KAT6B: variants seen among roughly 807,000 people sequenced by gnomAD.
KAT6B encodes lysine acetyltransferase 6B.
KAT6B carries 10 observed loss-of-function variants against 187.5 expected under a neutral mutation model. The ratio of observed to expected loss-of-function variants is 0.05; its 90% CI spans 0.03 to 0.09. The LOEUF (loss-of-function observed/expected upper bound fraction) is 0.09. Ranked by LOEUF, KAT6B falls within the 10% of genes least tolerant of loss-of-function variation. KAT6B has a pLI of 1.00. For synonymous variants in KAT6B, 861 were observed against 926.8 expected, an observed-to-expected ratio of 0.93 and a Z score of 1.29; for missense variants, 1,952 against 2,558.9, an observed-to-expected ratio of 0.76 and a Z score of 5.12.
chr10:75,000,330 A>G (rs1589784077), intron 13 of KAT6B, among the ~76,000 whole-genome samples: 1 of 152,086 alleles, frequency 6.6e-6, no homozygotes, highest in Non-Finnish European at 1.5e-5. Flanking sequence ...AGCAGCGCTG[A>G]TGGAAAAAAT....
rs1840257192 is a variant in KAT6B at position 74,826,719 on chromosome 10, G to T, written c.-395G>T. 1.3e-5 allele frequency: 2 copies of T among 153,522 alleles called. No homozygotes were observed. The highest frequency in any genetic ancestry group is 3.5e-4 in the South Asian group (2 of 5,680). The allele number at this position is 153,522 out of a possible 1,614,324, so 9.5% of individuals were successfully genotyped here. On this transcript the variant is annotated 5_prime_UTR_variant, in exon 1 of 18. Coordinates refer to ENST00000287239, the MANE Select transcript of KAT6B (RefSeq NM_012330.4). ...GGAGGCGACGGCACCTCCTCCAGGC[G>T]GCAGCCGCAGTTTCTCAGGCAGCGG...
chr10:74,899,475 A>G (rs1291755459), intron 3 of KAT6B, among the ~76,000 whole-genome samples: 1 of 151,898 alleles, frequency 6.6e-6, no homozygotes, highest in Non-Finnish European at 1.5e-5. Context: ...GGGTTTCACC[A>G]CGTTGGCCAG....
intron 3 of KAT6B, among the ~76,000 whole-genome samples, chr10:74,894,164 C>A (rs968122627): frequency 7.9e-5 from 12 of 152,138 alleles, no homozygotes; most frequent in Admixed American, 7.9e-4. Flanking sequence ...CTCGCTGCAA[C>A]TTCGCTTGCC....
Position 74,975,870 on chromosome 10 carries a change from C to T in KAT6B, c.1533C>T (p.Ser511=), listed in dbSNP as rs780910195. Residue 511 remains serine (S), a synonymous_variant, in exon 8 of 18, where the codon AGC becomes AGT. Coordinates refer to ENST00000287239, the MANE Select transcript of KAT6B (RefSeq NM_012330.4). Reference sequence around the variant, plus strand: ...AGAGCCCCAGTTCACAAAAGTCCAGCACGGCCACTTCTTCTCCCTCTCCCC... The same window carrying T: ...AGAGCCCCAGTTCACAAAAGTCCAGTACGGCCACTTCTTCTCCCTCTCCCC... ...SGQSPSSQKS[S]TATSSPSPQS... 59 of 1,614,026 alleles carry T rather than the reference C, an allele frequency of 3.7e-5. No homozygotes were observed. The highest frequency in any genetic ancestry group is 4.8e-5 in the Non-Finnish European group (57 of 1,180,040).
chr10:75,012,581 G>A (rs1844687324), intron 13 of KAT6B, among the ~76,000 whole-genome samples: 1 of 152,234 alleles, frequency 6.6e-6, no homozygotes, highest in Admixed American at 6.5e-5. Flanking sequence ...CTCCGGCTCA[G>A]GAGCACATCC....
At chr10:74,853,265 G>A (rs559499408) in intron 3 of KAT6B, among the ~76,000 whole-genome samples, 1 of 151,026 alleles carries the variant, frequency 6.6e-6, no homozygotes, top group African/African-American at 2.4e-5. Flanking sequence ...GGGACTACAG[G>A]TGTGCACCAC....
chr10:75,015,877 T>A (rs566576080), intron 13 of KAT6B, among the ~76,000 whole-genome samples: 1 of 152,314 alleles, frequency 6.6e-6, no homozygotes, highest in South Asian at 2.1e-4. Context: ...TTGAGGAGGT[T>A]CATATGGTTT....
At position 75,032,021 on chromosome 10, in the gene KAT6B, G is replaced by A. The variant is rs1489720384; in HGVS notation, c.*975G>A. The stretch of plus-strand genomic sequence containing the variant: ...AAGGAAAAATAGAAAAGTAGCTTGT[G>A]AATAGCTCAAACTAAGCTTACAAAT... On this transcript the variant is annotated 3_prime_UTR_variant, in exon 18 of 18. Transcript: ENST00000287239. 1.0e-5 allele frequency: 2 copies of A among 194,166 alleles called. No homozygotes were observed. The highest frequency in any genetic ancestry group is 2.3e-5 in the African/African-American group (1 of 43,114). The allele number at this position is 194,166 out of a possible 1,614,324, so 12.0% of individuals were successfully genotyped here.
At chr10:74,860,784 G>A (rs570775303) in intron 3 of KAT6B, among the ~76,000 whole-genome samples, 1 of 152,258 alleles carries the variant, frequency 6.6e-6, no homozygotes, top group African/African-American at 2.4e-5. Context: ...GATCACTTGA[G>A]GCCAGGAGTT....
chr10:74,834,629 C>G (rs2131989320), intron 1 of KAT6B, among the ~76,000 whole-genome samples: 1 of 152,310 alleles, frequency 6.6e-6, no homozygotes, highest in South Asian at 2.1e-4. Context: ...TCAAGAGATC[C>G]TCTTGCCTCG....
intron 3 of KAT6B, among the ~76,000 whole-genome samples, chr10:74,907,295 G>A (rs1331934534): frequency 6.6e-6 from 1 of 152,158 alleles, no homozygotes; most frequent in Admixed American, 6.5e-5. Context: ...AACATTGGGT[G>A]GTCTTAGAGA....
intron 3 of KAT6B, among the ~76,000 whole-genome samples, chr10:74,878,920 T>C (rs1199399125): frequency 6.6e-6 from 1 of 152,164 alleles, no homozygotes; most frequent in Non-Finnish European, 1.5e-5. Context: ...GCTTCATATC[T>C]AGGCACCATC....
intron 3 of KAT6B, among the ~76,000 whole-genome samples, chr10:74,926,112 T>A (rs951751274): frequency 2.0e-5 from 3 of 152,248 alleles, no homozygotes; most frequent in Non-Finnish European, 4.4e-5. Flanking sequence ...AAACACTTGA[T>A]ATTTTAGACT....
At chr10:74,965,979 C>A (rs1841439572) in intron 4 of KAT6B, among the ~76,000 whole-genome samples, 2 of 152,008 alleles carry the variant, frequency 1.3e-5, no homozygotes, top group Non-Finnish European at 2.9e-5. Flanking sequence ...TCGTGATCCA[C>A]CCGCCTTGGC....
At chr10:74,914,179 C>CT (rs1307739809) in intron 3 of KAT6B, among the ~76,000 whole-genome samples, 1 of 150,496 alleles carries the variant, frequency 6.6e-6, no homozygotes, top group African/African-American at 2.5e-5. Context: ...GAGCGAGACT[C>CT]TGTCTCCCAC....
chr10:74,834,102 C>T (rs1028623190), intron 1 of KAT6B, among the ~76,000 whole-genome samples: 5 of 152,162 alleles, frequency 3.3e-5, no homozygotes, highest in Non-Finnish European at 7.3e-5. Context: ...CATGCCCTTC[C>T]CTGTGCATTA....
intron 8 of KAT6B, 31 bp downstream of exon 8, chr10:74,976,361 C>A: frequency 6.3e-7 from 1 of 1,576,004 alleles, no homozygotes; most frequent in Non-Finnish European, 8.7e-7. Flanking sequence ...CCAACCAAAC[C>A]TGCGTCCCGT....
chr10:74,858,283 A>G (rs994719404), intron 3 of KAT6B, among the ~76,000 whole-genome samples: 1 of 135,142 alleles, frequency 7.4e-6, no homozygotes, highest in East Asian at 2.1e-4. Context: ...TGGATGGGCA[A>G]TTTTTTTTTT....
intron 3 of KAT6B, among the ~76,000 whole-genome samples, chr10:74,932,348 AGAG>A: frequency 6.6e-6 from 1 of 152,320 alleles, no homozygotes; most frequent in African/African-American, 2.4e-5. Context: ...ACTAAAACTT[AGAG>A]GAGTCAGATA....
Sources: allele counts gnomAD v4.1 joint callset (sites outside exome capture counted in the v4.1 genomes callset), GRCh38; gene constraint gnomAD v4.1.1; transcripts MANE v1.5; gene names NCBI Gene and HGNC (gene_info 2026-07-23, HGNC 2026-07-21).